DGKI: variants seen among roughly 807,000 people sequenced by gnomAD.
The protein encoded by DGKI is diacylglycerol kinase iota.
Under a neutral mutation model 147.5 loss-of-function variants are expected in DGKI, and 55 were observed. That is an observed-to-expected ratio of 0.37 (90% confidence interval 0.30 to 0.47). DGKI has a LOEUF of 0.47. Among genes scored for constraint, DGKI ranks in the 20% least tolerant of loss-of-function variants. The probability of loss-of-function intolerance (pLI) is 1.00; values close to 1 mark genes in which losing one functional copy is unlikely to be tolerated. For synonymous variants in DGKI, 469 were observed against 477.1 expected (o/e 0.98, Z 0.22); for missense variants, 1,007 against 1,323.8 (o/e 0.76, Z 3.71).
chr7:137,517,721 G>C (rs1816830142), intron 21 of DGKI, among the ~76,000 whole-genome samples: 1 of 152,104 alleles, frequency 6.6e-6, no homozygotes, highest in African/African-American at 2.4e-5. Flanking sequence ...AAAAAATTCA[G>C]TGGTGGATAA....
chr7:137,406,305 C>T lies in DGKI; in HGVS notation c.2920+1570G>A, dbSNP rs548083766. ...GGCTTCACTCTTGCCCAGAAAGGAA[C>T]GCTTTTAACTGCAAGAGACTGAATA... is the stretch of plus-strand genomic sequence containing the variant. On this transcript the variant is annotated intron_variant, in intron 30 of 32. Transcript: ENST00000614521. Among the ~76,000 whole-genome samples, 17 of 152,182 alleles carry T rather than the reference C, an allele frequency of 1.1e-4. 1 individual carries two copies. In the South Asian group the frequency reaches 2.9e-3, roughly 26 times the overall value.
chr7:137,576,919 C>T (rs1468443210), intron 17 of DGKI, among the ~76,000 whole-genome samples: 5 of 152,146 alleles, frequency 3.3e-5, no homozygotes, highest in African/African-American at 1.2e-4. Context: ...TCCCTTTGTG[C>T]CACAACCATA....
At chr7:137,736,511 G>A (rs991470666) in intron 1 of DGKI, among the ~76,000 whole-genome samples, 3 of 152,098 alleles carry the variant, frequency 2.0e-5, no homozygotes, top group South Asian at 2.1e-4. Flanking sequence ...ATGAGAGAAT[G>A]CACTAAAGTG....
rs115999941 is a variant in DGKI, at chr7:137,721,482, A to C, written c.402-31480T>G. On this transcript the variant is annotated intron_variant, in intron 1 of 32. Coordinates refer to ENST00000614521, the MANE Select transcript of DGKI (RefSeq NM_001321708.2). Reference sequence around the variant, plus strand: ...GTTGATTTTACCTCAAACCTATACTATCTCTCCACTGCCTCTACCAATACC... The same window carrying C: ...GTTGATTTTACCTCAAACCTATACTCTCTCTCCACTGCCTCTACCAATACC... Among the ~76,000 whole-genome samples, 1,309 of 152,120 alleles carry C rather than the reference A, an allele frequency of 8.6e-3. 17 individuals carry two copies. Among genetic ancestry groups the C allele is most frequent in the African/African-American group, 0.03 (1,233 of 41,482 alleles).
At position 137,846,229 on chromosome 7, in the gene DGKI, TA is replaced by T. The variant is rs1025770313; in HGVS notation, c.401+232del. On this transcript the variant is annotated intron_variant, in intron 1 of 32. Coordinates refer to ENST00000614521, the MANE Select transcript of DGKI (RefSeq NM_001321708.2). This position sits in a 1 kb window ranked among gnomAD's most constrained non-coding sequence, Gnocchi z 4.0. ...GACAAAATTTCTGTTGCTCTGACCT[TA>T]GGGACCCAGTGCTTCTCTCCTGCCA... is the stretch of plus-strand genomic sequence containing the variant. 1.4e-5 allele frequency among the ~76,000 whole-genome samples: 2 copies of T among 147,874 alleles called. No individual in the cohort carries two copies. The highest frequency in any genetic ancestry group is 3.0e-5 in the Non-Finnish European group (2 of 67,304).
Position 137,469,574 on chromosome 7 carries a change from A to G in DGKI, c.2419T>C (p.Ser807Pro). The G allele has an allele frequency of 6.2e-7, 1 of 1,614,040 alleles. No homozygotes were observed. Among genetic ancestry groups the G allele is most frequent in the South Asian group, 1.1e-5 (1 of 91,066 alleles). ...FPRALSAQRL[S>P]PRWCFLDATS... ...CCATCTAGGAAGCACCACCGAGGAG[A>G]GAGCCTCTGTGCTGAGAGAGCCCTG... Residue 807 changes from serine to proline, a missense_variant, in exon 24 of 33, where the codon TCT becomes CCT. This residue lies in a region of DGKI where 385 missense variants were observed against 445.2 expected (regional missense o/e 0.86). Coordinates refer to ENST00000614521, the MANE Select transcript of DGKI (RefSeq NM_001321708.2).
At chr7:137,693,372 G>A (rs752047138) in intron 1 of DGKI, among the ~76,000 whole-genome samples, 23 of 152,126 alleles carry the variant, frequency 1.5e-4, no homozygotes, top group African/African-American at 4.3e-4. Context: ...CTTCATAGGA[G>A]ATGGCTATAA....
intron 1 of DGKI, among the ~76,000 whole-genome samples, chr7:137,741,523 A>C (rs1739741891): frequency 6.6e-6 from 1 of 152,184 alleles, no homozygotes; most frequent in South Asian, 2.1e-4. Flanking sequence ...CCTTCCTTTT[A>C]GGATCACAGA....
At chr7:137,480,946 C>A (rs1815351053) in intron 23 of DGKI, among the ~76,000 whole-genome samples, 1 of 152,056 alleles carries the variant, frequency 6.6e-6, no homozygotes, top group Admixed American at 6.6e-5. Context: ...TCCTTCTGTT[C>A]TCCATCCCTA....
intron 6 of DGKI, among the ~76,000 whole-genome samples, chr7:137,638,360 C>T (rs1821405068): frequency 6.7e-6 from 1 of 148,574 alleles, no homozygotes; most frequent in Admixed American, 6.8e-5. Flanking sequence ...CTTCATTTCC[C>T]CAATGCTTCT....
rs529061750 is a variant in DGKI at position 137,789,282 on chromosome 7, A to G, written c.401+57180T>C. On this transcript the variant is annotated intron_variant, in intron 1 of 32. Coordinates refer to ENST00000614521, the MANE Select transcript of DGKI (RefSeq NM_001321708.2). ...AGCTTAAAATAAATGAATGCAAAAG[A>G]TTTGGAAGTGGGAGAGGTTTTTTTA... Among the ~76,000 whole-genome samples, 13 of 152,274 alleles carry G rather than the reference A, an allele frequency of 8.5e-5. No homozygotes were observed. The South Asian group carries it at 2.1e-3, about 24-fold the overall frequency.
chr7:137,484,841 T>C (rs1176554000), intron 23 of DGKI, among the ~76,000 whole-genome samples: 2 of 152,042 alleles, frequency 1.3e-5, no homozygotes, highest in East Asian at 3.9e-4. Flanking sequence ...AACTGTTGCT[T>C]GATGGTTGTA....
intron 21 of DGKI, among the ~76,000 whole-genome samples, chr7:137,501,816 G>A (rs977160830): frequency 6.6e-6 from 1 of 152,138 alleles, no homozygotes; most frequent in Non-Finnish European, 1.5e-5. Flanking sequence ...CTTGGAGCCT[G>A]ATATGGTTTG....
At chr7:137,795,065 C>CTCCA (rs1796981232) in intron 1 of DGKI, among the ~76,000 whole-genome samples, 1 of 152,194 alleles carries the variant, frequency 6.6e-6, no homozygotes, top group African/African-American at 2.4e-5. Flanking sequence ...AAAAGAAGCA[C>CTCCA]TCCAGACAGA....
At chr7:137,784,270 G>T (rs973961628) in intron 1 of DGKI, among the ~76,000 whole-genome samples, 18 of 152,066 alleles carry the variant, frequency 1.2e-4, no homozygotes, top group Admixed American at 2.0e-4. Flanking sequence ...AGGCAAAGGG[G>T]TAGAAAAAGA....
intron 1 of DGKI, among the ~76,000 whole-genome samples, chr7:137,834,776 A>G (rs547054469): frequency 6.6e-6 from 1 of 152,368 alleles, no homozygotes; most frequent in African/African-American, 2.4e-5. Flanking sequence ...ATTACAACAG[A>G]GATGGCAGAA....
At chr7:137,406,255 A>G (rs1374319748) in intron 30 of DGKI, among the ~76,000 whole-genome samples, 2 of 152,186 alleles carry the variant, frequency 1.3e-5, no homozygotes, top group Non-Finnish European at 2.9e-5. Flanking sequence ...AGCTTTGTGC[A>G]GTAGAAATCC....
intron 1 of DGKI, among the ~76,000 whole-genome samples, chr7:137,694,513 C>A (rs1823721112): frequency 6.6e-6 from 1 of 152,146 alleles, no homozygotes; most frequent in African/African-American, 2.4e-5. Context: ...CACGTGAGAA[C>A]AGAATCAGGA....
intron 20 of DGKI, among the ~76,000 whole-genome samples, chr7:137,543,545 G>GA (rs201169085): frequency 3.3e-5 from 5 of 150,474 alleles, no homozygotes; most frequent in African/African-American, 9.8e-5. Flanking sequence ...AAGCTAGAGA[G>GA]AAAAAAAAAG....
Sources: gnomAD v4.1 joint callset for allele counts (sites outside exome capture counted in the v4.1 genomes callset) on GRCh38, gnomAD v4.1.1 for gene constraint, gnomAD v4.1.1 regional missense constraint, Gnocchi (gnomAD v3.1) non-coding constraint, MANE v1.5 for transcripts, NCBI Gene and HGNC (gene_info 2026-07-23, HGNC 2026-07-21) for gene names.